RGS7: variants seen among roughly 807,000 people sequenced by gnomAD.
RGS7 encodes regulator of G-protein signaling 7.
In RGS7, 27 loss-of-function variants were observed where a neutral mutation model predicts 81.1. The ratio of observed to expected loss-of-function variants is 0.33; its 90% CI spans 0.25 to 0.46. RGS7 has a LOEUF of 0.46. Among genes scored for constraint, RGS7 ranks in the 20% least tolerant of loss-of-function variants. RGS7 has a pLI of 1.00. For missense variants in RGS7, 396 were observed against 607.4 expected (o/e 0.65, Z 3.66); for synonymous variants, 208 against 207.7 (o/e 1.00, Z -0.01).
At chr1:241,077,285 T>C (rs2062857305) in intron 3 of RGS7, among the ~76,000 whole-genome samples, 1 of 152,188 alleles carries the variant, frequency 6.6e-6, no homozygotes, top group African/African-American at 2.4e-5. Context: ...AGCTGGGCTG[T>C]CATGAAAATG....
At chr1:241,039,249 T>G (rs2060484080) in intron 3 of RGS7, among the ~76,000 whole-genome samples, 1 of 152,230 alleles carries the variant, frequency 6.6e-6, no homozygotes, top group African/African-American at 2.4e-5. Context: ...AATTTATTAG[T>G]GTGCTTAACC....
chr1:241,177,781 G>A (rs11579237), intron 2 of RGS7, among the ~76,000 whole-genome samples: 34,092 of 151,564 alleles, frequency 0.22, 4,247 homozygotes, highest in African/African-American at 0.33. Flanking sequence ...AGGTGGGAAT[G>A]GAGAAAGAGA....
intron 2 of RGS7, among the ~76,000 whole-genome samples, chr1:241,124,702 T>C (rs535914218): frequency 2.6e-5 from 4 of 152,292 alleles, no homozygotes; most frequent in African/African-American, 9.6e-5. Flanking sequence ...AGATGCCCAG[T>C]GCACGGGGCC....
intron 9 of RGS7, among the ~76,000 whole-genome samples, chr1:240,848,021 A>G (rs1233882469): frequency 1.3e-5 from 2 of 152,214 alleles, no homozygotes. Context: ...TACTTGTAAA[A>G]ACAAATACAC....
chr1:240,857,464 A>T (rs926346981), intron 9 of RGS7, among the ~76,000 whole-genome samples: 13 of 152,174 alleles, frequency 8.5e-5, no homozygotes, highest in Non-Finnish European at 1.9e-4. Context: ...TGATAAATGT[A>T]TAACAATATG....
chr1:241,268,515 C>T (rs2077709954), intron 2 of RGS7, among the ~76,000 whole-genome samples: 1 of 152,138 alleles, frequency 6.6e-6, no homozygotes, highest in Non-Finnish European at 1.5e-5. Context: ...TGCTTGGGCT[C>T]CCTGAGGTCT....
intron 11 of RGS7, among the ~76,000 whole-genome samples, 168 bp downstream of exon 11, chr1:240,816,149 A>C (rs1690756732): frequency 6.6e-6 from 1 of 152,226 alleles, no homozygotes; most frequent in Non-Finnish European, 1.5e-5. Context: ...AAGTAATTAC[A>C]ATACTTAAAA....
chr1:240,847,933 T>C lies in RGS7; in HGVS notation c.609+20654A>G, dbSNP rs187066364. Among the ~76,000 whole-genome samples the C allele has an allele frequency of 2.0e-3, 297 of 152,278 alleles. 3 individuals carry two copies. The highest frequency in any genetic ancestry group is 6.4e-3 in the African/African-American group (264 of 41,560). The stretch of plus-strand genomic sequence containing the variant: ...CACTCAACATTAGAACATCTATTCA[T>C]AGAATTCACATATTACTAACAGATA... On this transcript the variant is annotated intron_variant, in intron 9 of 18. Coordinates refer to ENST00000440928, the MANE Select transcript of RGS7 (RefSeq NM_001364886.1).
At chr1:240,947,641 C>T (rs1198742841) in intron 4 of RGS7, among the ~76,000 whole-genome samples, 1 of 152,146 alleles carries the variant, frequency 6.6e-6, no homozygotes, top group Non-Finnish European at 1.5e-5. Context: ...CCCAGTCCAA[C>T]CTCATATCAT....
chr1:240,823,423 A>T (rs988404170), intron 10 of RGS7: 2 of 384,312 alleles, frequency 5.2e-6, no homozygotes, highest in Non-Finnish European at 5.0e-6. Context: ...GAGGCAGGGC[A>T]GATGCCTCAC....
chr1:241,123,620 A>G (rs1352925471), intron 2 of RGS7, among the ~76,000 whole-genome samples: 1 of 152,316 alleles, frequency 6.6e-6, no homozygotes, highest in Non-Finnish European at 1.5e-5. Flanking sequence ...CTGTGGTGGC[A>G]CATGCCTGTA....
intron 2 of RGS7, among the ~76,000 whole-genome samples, chr1:241,239,464 T>G (rs569135088): frequency 3.2e-4 from 49 of 152,318 alleles, no homozygotes; most frequent in Admixed American, 1.4e-3. Context: ...TTCACTCAAA[T>G]GCTTAGATAC....
intron 2 of RGS7, among the ~76,000 whole-genome samples, chr1:241,256,746 C>G (rs111417663): frequency 6.6e-6 from 1 of 152,152 alleles, no homozygotes; most frequent in African/African-American, 2.4e-5. Context: ...GGGCACTAAT[C>G]CCAACCAGGA....
At chr1:240,870,328 T>C (rs985955895) in intron 6 of RGS7, among the ~76,000 whole-genome samples, 1 of 152,150 alleles carries the variant, frequency 6.6e-6, no homozygotes, top group Non-Finnish European at 1.5e-5. Flanking sequence ...ATAAATATGC[T>C]AAGAAACTTG....
At chr1:240,973,945 C>T (rs570933468) in intron 4 of RGS7, among the ~76,000 whole-genome samples, 1 of 152,232 alleles carries the variant, frequency 6.6e-6, no homozygotes, top group South Asian at 2.1e-4. Context: ...ATTTCATTGG[C>T]AGTTTAACTA....
At chr1:241,024,401 C>T (rs1022444646) in intron 3 of RGS7, among the ~76,000 whole-genome samples, 3 of 152,116 alleles carry the variant, frequency 2.0e-5, no homozygotes, top group Admixed American at 6.5e-5. Flanking sequence ...ATGCTATTTC[C>T]CTGCAGCTGA....
At chr1:241,147,783 TATA>T (rs1558128680) in intron 2 of RGS7, among the ~76,000 whole-genome samples, 31 of 90,584 alleles carry the variant, frequency 3.4e-4, no homozygotes, top group African/African-American at 5.6e-4. Flanking sequence ...TTAAGTTTTA[TATA>T]TATATATATA....
chr1:240,882,080 A>G (rs1204278257), intron 6 of RGS7, among the ~76,000 whole-genome samples: 1 of 151,982 alleles, frequency 6.6e-6, no homozygotes, highest in Non-Finnish European at 1.5e-5. Context: ...AGGCCCAGCT[A>G]ACTTTTGTGT....
At chr1:240,962,996 AG>A in intron 4 of RGS7, among the ~76,000 whole-genome samples, 1 of 152,212 alleles carries the variant, frequency 6.6e-6, no homozygotes, top group African/African-American at 2.4e-5. Flanking sequence ...ACTTCAGAAG[AG>A]ACATGATTAG....
Sources: gnomAD v4.1 joint callset for allele counts (sites outside exome capture counted in the v4.1 genomes callset) on GRCh38, gnomAD v4.1.1 for gene constraint, MANE v1.5 for transcripts, NCBI Gene and HGNC (gene_info 2026-07-23, HGNC 2026-07-21) for gene names.